Variants in PTPRU observed in about 807,000 individuals in gnomAD.
PTPRU encodes protein tyrosine phosphatase receptor type U, also known as receptor-type tyrosine-protein phosphatase U.
Under a neutral mutation model 166.3 loss-of-function variants are expected in PTPRU, and 69 were observed. That is an observed-to-expected ratio of 0.41 (90% confidence interval 0.34 to 0.51). The LOEUF is 0.51. Ranked by LOEUF, PTPRU falls within the 20% of genes least tolerant of loss-of-function variation. The probability of loss-of-function intolerance (pLI) is 0.09; values close to 1 mark genes in which losing one functional copy is unlikely to be tolerated. For missense variants in PTPRU, 1,657 were observed against 2,013.7 expected (o/e 0.82, Z 3.39); for synonymous variants, 793 against 814.0 (o/e 0.97, Z 0.44).
intron 15 of PTPRU, 139 bp from the exon 16 acceptor site, chr1:29,303,716 G>A (rs1687247380): frequency 1.2e-6 from 1 of 868,292 alleles, no homozygotes; most frequent in African/African-American, 1.7e-5. Context: ...GGCCTGGCTA[G>A]GCTGCTTGGC....
chr1:29,293,797 G>A (rs888439804), intron 15 of PTPRU, among the ~76,000 whole-genome samples: 3 of 152,180 alleles, frequency 2.0e-5, no homozygotes, highest in African/African-American at 4.8e-5. Flanking sequence ...TTTACCATGT[G>A]TACATATATC....
In PTPRU at chr1:29,311,589, C is replaced by T. The variant is rs1348306970; in HGVS notation, c.2955+36C>T. The T allele has an allele frequency of 1.9e-6, 3 of 1,613,880 alleles. No individual in the cohort carries two copies. The highest frequency in any genetic ancestry group is 1.7e-6 in the Non-Finnish European group (2 of 1,179,870). On this transcript the variant is annotated intron_variant, in intron 20 of 29. Coordinates refer to ENST00000373779, the MANE Select transcript of PTPRU (RefSeq NM_133178.4). This position sits in a 1 kb window ranked among gnomAD's most constrained non-coding sequence, Gnocchi z 4.1. ...CTGTGGGGCGAGCTGGGGCGCATGG[C>T]AGGCCAAGGGGGCAGCAAAGAGCCC...
chr1:29,319,341 C>G (rs1046832270), intron 25 of PTPRU, among the ~76,000 whole-genome samples: 1 of 152,198 alleles, frequency 6.6e-6, no homozygotes, highest in East Asian at 1.9e-4. Flanking sequence ...TGAGCTGGGG[C>G]TCCCTGGCCC....
chr1:29,279,710 G>A lies in PTPRU; in HGVS notation c.1765+53G>A. 6.4e-7 allele frequency: 1 copy of A among 1,572,396 alleles called. No homozygotes were observed. The highest frequency in any genetic ancestry group is 2.2e-5 in the East Asian group (1 of 44,644). Reference sequence around the variant, plus strand: ...TCTTCGGAGGTGGCCCAGAATCCCAGGGTTCCATGGGCAGAAGGGAAATGG... The same window carrying A: ...TCTTCGGAGGTGGCCCAGAATCCCAAGGTTCCATGGGCAGAAGGGAAATGG... On this transcript the variant is annotated intron_variant, in intron 10 of 29. Coordinates refer to ENST00000373779, the MANE Select transcript of PTPRU (RefSeq NM_133178.4). This position sits in a 1 kb window ranked among gnomAD's most constrained non-coding sequence, Gnocchi z 5.2.
Position 29,279,734 on chromosome 1 carries a change from G to C in PTPRU, c.1765+77G>C. The C allele has an allele frequency of 6.6e-7, 1 of 1,511,540 alleles. No individual in the cohort carries two copies. The highest frequency in any genetic ancestry group is 9.1e-7 in the Non-Finnish European group (1 of 1,100,514). 93.6% of individuals were successfully genotyped at this position (1,511,540 alleles called of 1,614,324 possible). ...AGGGTTCCATGGGCAGAAGGGAAAT[G>C]GGGGGCATCCTGGGGGTAGTTACAG... On this transcript the variant is annotated intron_variant, in intron 10 of 29. Coordinates refer to ENST00000373779, the MANE Select transcript of PTPRU (RefSeq NM_133178.4). This position sits in a 1 kb window ranked among gnomAD's most constrained non-coding sequence, Gnocchi z 5.2.
intron 7 of PTPRU, among the ~76,000 whole-genome samples, chr1:29,275,221 C>T (rs1408803696): frequency 1.3e-5 from 2 of 152,106 alleles, no homozygotes; most frequent in Non-Finnish European, 2.9e-5. Flanking sequence ...AGTGATTCAG[C>T]CAGCAGTTGC....
chr1:29,323,233 G>A lies in PTPRU; in HGVS notation c.3829-138G>A, dbSNP rs192839410. The A allele has an allele frequency of 4.1e-3, 4,821 of 1,177,094 alleles. 203 individuals are homozygous for A. The South Asian group carries it at 0.067, about 16-fold the overall frequency. 72.9% of individuals were successfully genotyped at this position (1,177,094 alleles called of 1,614,324 possible). On this transcript the variant is annotated intron_variant, in intron 26 of 29. Coordinates refer to ENST00000373779, the MANE Select transcript of PTPRU (RefSeq NM_133178.4). The stretch of plus-strand genomic sequence containing the variant: ...GGTGGTGATTGGGGGAGCTGCTGAA[G>A]GTGAGTCTGGAGTGAGTGGGTGGGC...
In PTPRU at chr1:29,291,957, C is replaced by T; in HGVS notation, c.2407C>T (p.Gln803Ter). ...CGCCGTGGACCGCAGCTTCACAGAC[C>T]AGAGCACCCTGCAGGAGGACGAGCG... The part of the protein sequence containing the change: ...MSAVDRSFTD[Q>*]STLQEDERLG... The change falls in exon 15 of 30, where the codon CAG becomes TAG. Residue 803 changes from glutamine (Q) to a stop codon, truncating the protein, a stop_gained. Coordinates refer to ENST00000373779, the MANE Select transcript of PTPRU (RefSeq NM_133178.4). LOFTEE classifies it high-confidence loss of function. The surrounding 1 kb of genome is among the most constrained non-coding windows in gnomAD (Gnocchi z 4.1). The T allele has an allele frequency of 6.2e-7, 1 of 1,614,196 alleles. No homozygotes were observed. The highest frequency in any genetic ancestry group is 8.5e-7 in the Non-Finnish European group (1 of 1,180,044).
chr1:29,315,267 C>G lies in PTPRU; in HGVS notation c.3228-105C>G, dbSNP rs1687846265. On this transcript the variant is annotated intron_variant, in intron 22 of 29. Coordinates refer to ENST00000373779, the MANE Select transcript of PTPRU (RefSeq NM_133178.4). The surrounding 1 kb of genome is among the most constrained non-coding windows in gnomAD (Gnocchi z 4.5). Reference sequence around the variant, plus strand: ...GGGGCAGTCATCTCTGTGTCCGTGTCCCCTGTATGGTGTAGACATGGCCAG... The same window carrying G: ...GGGGCAGTCATCTCTGTGTCCGTGTGCCCTGTATGGTGTAGACATGGCCAG... The G allele has an allele frequency of 5.6e-6, 8 of 1,425,178 alleles. No individual in the cohort carries two copies. The South Asian group carries it at 6.2e-5, about 11-fold the overall frequency. The allele number at this position is 1,425,178 out of a possible 1,614,324, so 88.3% of individuals were successfully genotyped here.
chr1:29,250,208 A>C (rs1684489046), intron 1 of PTPRU, among the ~76,000 whole-genome samples: 4 of 145,748 alleles, frequency 2.7e-5, no homozygotes, highest in Admixed American at 6.8e-5. Flanking sequence ...CCTCTTCCTC[A>C]CCCTCACTGG....
chr1:29,309,327 AT>A, intron 18 of PTPRU, among the ~76,000 whole-genome samples: 1 of 152,036 alleles, frequency 6.6e-6, no homozygotes, highest in East Asian at 1.9e-4. Context: ...CCCCCGGGAG[AT>A]TTATGTCTCA....
Position 29,238,847 on chromosome 1 carries a change from G to A in PTPRU, c.73+2130G>A, listed in dbSNP as rs1162254755. ...CCCAAGCCCTGCCAGCAGGAGGACT[G>A]TCAGGAACTGAAGTTTGGGAGTGAG... On this transcript the variant is annotated intron_variant, in intron 1 of 29. Coordinates refer to ENST00000373779, the MANE Select transcript of PTPRU (RefSeq NM_133178.4). The surrounding 1 kb of genome is among the most constrained non-coding windows in gnomAD (Gnocchi z 6.1). 6.6e-6 allele frequency among the ~76,000 whole-genome samples: 1 copy of A among 152,212 alleles called. No homozygotes were observed. The highest frequency in any genetic ancestry group is 1.5e-5 in the Non-Finnish European group (1 of 68,046).
At chr1:29,277,697 G>A (rs1298137064) in intron 8 of PTPRU, among the ~76,000 whole-genome samples, 1 of 150,544 alleles carries the variant, frequency 6.6e-6, no homozygotes, top group African/African-American at 2.4e-5. Context: ...ACCCTATGTG[G>A]TAGGTTACTA....
chr1:29,280,137 A>G lies in PTPRU; in HGVS notation c.1864A>G (p.Ile622Val), dbSNP rs753152609. 21 of 1,610,186 alleles carry G rather than the reference A, an allele frequency of 1.3e-5. No homozygotes were observed. Among genetic ancestry groups the G allele is most frequent in the Non-Finnish European group, 1.8e-5 (21 of 1,177,512 alleles). The stretch of plus-strand genomic sequence containing the variant: ...GCCGGCACAGGGCCGCGGTGCGCCC[A>G]TCAGGTGGGAAAGCGGGGACGGAGG... ...LRPAQGRGAP[I>V]SVYQVIVEEE... is the part of the protein sequence containing the mutation. Residue 622 changes from isoleucine to valine, a missense_variant, in exon 11 of 30, where the codon ATC becomes GTC. Ile to Val is a conservative substitution (Grantham distance 29). This residue lies in a region of PTPRU where 1,190 missense variants were observed against 1,477.4 expected (regional missense o/e 0.81). Coordinates refer to ENST00000373779, the MANE Select transcript of PTPRU (RefSeq NM_133178.4). The surrounding 1 kb of genome is among the most constrained non-coding windows in gnomAD (Gnocchi z 4.2).
chr1:29,259,376 G>C, intron 4 of PTPRU, 34 bp downstream of exon 4: 1 of 1,611,632 alleles, frequency 6.2e-7, no homozygotes, highest in Non-Finnish European at 8.5e-7. Flanking sequence ...GCAGGGGTAA[G>C]GGGTGTGGGC....
rs905448371 is a variant in PTPRU at position 29,310,688 on chromosome 1, G to A, written c.2821-56G>A. 32 of 1,542,232 alleles carry A rather than the reference G, an allele frequency of 2.1e-5. No individual in the cohort carries two copies. In the East Asian group the frequency reaches 6.7e-4, roughly 32 times the overall value. On this transcript the variant is annotated intron_variant, in intron 18 of 29. Transcript: ENST00000373779. Reference sequence around the variant, plus strand: ...TGGGAGGGGAGGGTAGAGGAGGTGTGGGGGAGTGAGGGGCTACTCCCTGGG... The same window carrying A: ...TGGGAGGGGAGGGTAGAGGAGGTGTAGGGGAGTGAGGGGCTACTCCCTGGG...
rs762456884 is a variant in PTPRU, at chr1:29,236,691, G to C, written c.47G>C (p.Cys16Ser). ...ALVLALTFQL[C>S]APETETPAAG... ...GTGCTGGCACTCACCTTCCAGCTCT[G>C]CGCGCCGGAGACCGAGACTCCGGCA... Residue 16 changes from cysteine (C) to serine (S), a missense_variant, in exon 1 of 30, where the codon TGC becomes TCC. Physicochemically the swap from Cys to Ser is moderately radical, Grantham distance 112. Around this residue, in one of 3 missense-constraint regions of PTPRU, gnomAD observed 453 missense variants for 496.9 expected, o/e 0.91. Coordinates refer to ENST00000373779, the MANE Select transcript of PTPRU (RefSeq NM_133178.4). The surrounding 1 kb of genome is among the most constrained non-coding windows in gnomAD (Gnocchi z 4.6). 2.7e-6 allele frequency: 4 copies of C among 1,467,736 alleles called. No homozygotes were observed. Among genetic ancestry groups the C allele is most frequent in the South Asian group, 2.6e-5 (2 of 76,782 alleles). 90.9% of individuals were successfully genotyped at this position (1,467,736 alleles called of 1,614,324 possible).
Position 29,260,671 on chromosome 1 carries a change from C to G in PTPRU, c.912C>G (p.Ile304Met), listed in dbSNP as rs1471852569. 1 of 1,550,786 alleles carries G rather than the reference C, an allele frequency of 6.4e-7. No homozygotes were observed. ...LLRAGPTYLI[I>M]QLNTNSIIGD... ...GTGCTGGCCCCACCTACCTCATCATCCAGCTCAACACCAACTCCATCATTG... is the reference window on the plus strand; with the variant it reads ...GTGCTGGCCCCACCTACCTCATCATGCAGCTCAACACCAACTCCATCATTG... Residue 304 changes from isoleucine (I) to methionine (M), a missense_variant, in exon 7 of 30, where the codon ATC (isoleucine) becomes ATG (methionine). By Grantham distance (10) the Ile-to-Met change is conservative. Transcript: ENST00000373779. The surrounding 1 kb of genome is among the most constrained non-coding windows in gnomAD (Gnocchi z 8.3).
Position 29,303,915 on chromosome 1 carries a change from G to A in PTPRU, c.2537G>A (p.Arg846His), listed in dbSNP as rs201570633. 4.4e-5 allele frequency: 71 copies of A among 1,613,838 alleles called. No homozygotes were observed. The highest frequency in any genetic ancestry group is 4.0e-4 in the East Asian group (18 of 44,854). The stretch of plus-strand genomic sequence containing the variant: ...AGCCTCCTGGGGGGCTCCCCGAGGC[G>A]TCCCTGTGGCCGGAAGGGCTCCCCA... ...ASSLLGGSPR[R>H]PCGRKGSPYH... Residue 846 changes from arginine to histidine, a missense_variant, in exon 16 of 30, where the codon CGT becomes CAT. Physicochemically the swap from Arg to His is conservative, Grantham distance 29. Coordinates refer to ENST00000373779, the MANE Select transcript of PTPRU (RefSeq NM_133178.4).
Sources: gnomAD v4.1 joint callset for allele counts (sites outside exome capture counted in the v4.1 genomes callset) on GRCh38, gnomAD v4.1.1 for gene constraint, gnomAD v4.1.1 regional missense constraint, Gnocchi (gnomAD v3.1) non-coding constraint, MANE v1.5 for transcripts, NCBI Gene and HGNC (gene_info 2026-07-23, HGNC 2026-07-21) for gene names.